SAMD5: variants seen among roughly 807,000 people sequenced by gnomAD.
The protein encoded by SAMD5 is sterile alpha motif domain containing 5.
SAMD5 carries 13 observed loss-of-function variants against 11.3 expected under a neutral mutation model. The observed-to-expected ratio is 1.15, with a 90% CI of 0.75 to 1.83. The LOEUF is 1.83. Ranked by LOEUF, SAMD5 falls within the 40% of genes most tolerant of loss-of-function variation. The probability of loss-of-function intolerance (pLI) is 0.00; values close to 1 mark genes in which losing one functional copy is unlikely to be tolerated. For synonymous variants in SAMD5, 129 were observed against 111.3 expected, an observed-to-expected ratio of 1.16 and a Z score of -1.00; for missense variants, 255 against 239.1, an observed-to-expected ratio of 1.07 and a Z score of -0.44.
At chr6:147,737,261 T>G in intron 1 of SAMD5, 1 of 1,090,528 alleles carries the variant, frequency 9.2e-7, no homozygotes. Context: ...GCTTTTTCAC[T>G]ATGATTTCAC....
chr6:147,690,505 C>T (rs557712409), intron 1 of SAMD5, among the ~76,000 whole-genome samples: 2 of 152,058 alleles, frequency 1.3e-5, no homozygotes, highest in Admixed American at 6.6e-5. Flanking sequence ...AAAAATTAGC[C>T]GGGCGTGGTG....
At chr6:147,740,781 A>T (rs1444312579), downstream of SAMD5, among the ~76,000 whole-genome samples, 1 of 152,254 alleles carries the variant, frequency 6.6e-6, no homozygotes, top group African/African-American at 2.4e-5. Context: ...AACAAGATCA[A>T]ATGAATTGCA....
the SAMD5 span, among the ~76,000 whole-genome samples, chr6:147,897,943 T>TAAAAAAAA: frequency 5.0e-4 from 45 of 89,598 alleles, 3 homozygotes; most frequent in South Asian, 7.9e-4. Flanking sequence ...AGATTTTTCT[T>TAAAAAAAA]AAAAAAAAAA....
intron 1 of SAMD5, among the ~76,000 whole-genome samples, chr6:147,735,108 CTGT>C (rs1465875723): frequency 1.3e-5 from 2 of 152,062 alleles, no homozygotes; most frequent in East Asian, 3.9e-4. Flanking sequence ...AAATGAAAGC[CTGT>C]TGTTTATTGA....
At chr6:147,573,339 A>G (rs1443279266), downstream of SAMD5, among the ~76,000 whole-genome samples, 1 of 152,208 alleles carries the variant, frequency 6.6e-6, no homozygotes, top group African/African-American at 2.4e-5. Context: ...GTGAAGGGGA[A>G]AGCAAGGACT....
intron 1 of SAMD5, among the ~76,000 whole-genome samples, chr6:147,609,245 A>G (rs1789746063): frequency 6.6e-6 from 1 of 152,194 alleles, no homozygotes; most frequent in African/African-American, 2.4e-5. Context: ...GTCCTCATAA[A>G]AAGGAAATCT....
the SAMD5 span, among the ~76,000 whole-genome samples, chr6:147,895,135 C>G: frequency 6.6e-6 from 1 of 152,142 alleles, no homozygotes; most frequent in African/African-American, 2.4e-5. Context: ...TAGGAGGAGC[C>G]CAGGCCAGCT....
the SAMD5 span, among the ~76,000 whole-genome samples, chr6:147,872,529 A>G: frequency 4.7e-4 from 71 of 152,358 alleles, 2 homozygotes; most frequent in South Asian, 0.014. Flanking sequence ...AAATGAGGAA[A>G]CACATCAGTG....
chr6:147,743,766 T>C, the SAMD5 span, among the ~76,000 whole-genome samples: 1 of 152,192 alleles, frequency 6.6e-6, no homozygotes, highest in African/African-American at 2.4e-5. Context: ...CAATAGGCAT[T>C]TTAGTTGTGA....
chr6:147,744,574 CAAGG>C, the SAMD5 span, among the ~76,000 whole-genome samples: 1 of 151,990 alleles, frequency 6.6e-6, no homozygotes, highest in Non-Finnish European at 1.5e-5. Flanking sequence ...AAGGGAGAAA[CAAGG>C]AAGGAAAAGG....
the SAMD5 span, among the ~76,000 whole-genome samples, chr6:147,859,257 C>T: frequency 3.3e-5 from 5 of 152,306 alleles, no homozygotes; most frequent in East Asian, 9.7e-4. Flanking sequence ...AGCCTGTCAA[C>T]ACTCTTGTCC....
Position 147,568,205 on chromosome 6 carries a change from C to T in SAMD5, c.*3749C>T, listed in dbSNP as rs547730106. 1.4e-4 allele frequency: 139 copies of T among 985,278 alleles called. No homozygotes were observed. Among genetic ancestry groups the T allele is most frequent in the Admixed American group, 1.8e-4 (3 of 16,268 alleles). 61.0% of individuals were successfully genotyped at this position (985,278 alleles called of 1,614,324 possible). On this transcript the variant is annotated 3_prime_UTR_variant, in exon 2 of 2. Transcript: ENST00000367474. Reference sequence around the variant, plus strand: ...AGATACAAAGCAGATGATGGTGGATCGGCAAACTCTTTTCTATGAAAAGAA... The same window carrying T: ...AGATACAAAGCAGATGATGGTGGATTGGCAAACTCTTTTCTATGAAAAGAA...
the SAMD5 span, among the ~76,000 whole-genome samples, chr6:147,756,200 T>C: frequency 2.0e-5 from 3 of 152,254 alleles, no homozygotes; most frequent in Admixed American, 6.5e-5. Context: ...TTAGTCTTAG[T>C]CAGCATATTT....
At chr6:147,926,976 C>T in the SAMD5 span, among the ~76,000 whole-genome samples, 4 of 151,604 alleles carry the variant, frequency 2.6e-5, no homozygotes, top group Admixed American at 2.6e-4. Flanking sequence ...ATCAGATGGT[C>T]ATAGGCGACC....
chr6:147,881,929 G>A, the SAMD5 span, among the ~76,000 whole-genome samples: 1 of 152,162 alleles, frequency 6.6e-6, no homozygotes, highest in Admixed American at 6.5e-5. Flanking sequence ...TGGCTCTGGC[G>A]GGCCCCATCC....
chr6:147,515,176 G>GTTTTTTTTTTTTTTTTTTT (rs71031029), intron 1 of SAMD5, among the ~76,000 whole-genome samples: 2 of 75,018 alleles, frequency 2.7e-5, no homozygotes, highest in African/African-American at 4.9e-5. Flanking sequence ...ATCCTTCCAG[G>GTTTTTTTTTTTTTTTTTTT]TTTTTTTTTT....
chr6:147,655,606 C>T (rs766297220), intron 1 of SAMD5, among the ~76,000 whole-genome samples: 10 of 151,970 alleles, frequency 6.6e-5, no homozygotes, highest in South Asian at 2.1e-4. Flanking sequence ...ATAGGTGGCA[C>T]GACAAATGCT....
chr6:147,921,660 G>A, the SAMD5 span, among the ~76,000 whole-genome samples: 3 of 152,120 alleles, frequency 2.0e-5, no homozygotes, highest in Admixed American at 6.6e-5. Flanking sequence ...CCAAACCTCC[G>A]TGCATTGGGA....
At chr6:147,526,770 C>T (rs533859685) in intron 1 of SAMD5, among the ~76,000 whole-genome samples, 1 of 152,208 alleles carries the variant, frequency 6.6e-6, no homozygotes, top group East Asian at 1.9e-4. Context: ...GACAAAAGTG[C>T]GAGGTTTGGA....
Sources: gnomAD v4.1 joint callset for allele counts (sites outside exome capture counted in the v4.1 genomes callset) on GRCh38, gnomAD v4.1.1 for gene constraint, MANE v1.5 for transcripts, NCBI Gene and HGNC (gene_info 2026-07-23, HGNC 2026-07-21) for gene names.